VWA8: variants seen among roughly 807,000 people sequenced by gnomAD.
VWA8 encodes von Willebrand factor A domain containing 8.
In VWA8, 221 loss-of-function variants were observed where a neutral mutation model predicts 241.5. That is an observed-to-expected ratio of 0.91 (90% confidence interval 0.82 to 1.02). The LOEUF (loss-of-function observed/expected upper bound fraction) is 1.02, where lower values mean the gene tolerates loss of function less well. Among genes scored for constraint, VWA8 ranks in the 50% least tolerant of loss-of-function variants. The pLI is 0.00. For missense variants in VWA8, 2,322 were observed against 2,328.7 expected, an observed-to-expected ratio of 1.00 and a Z score of 0.06; for synonymous variants, 852 against 827.1, an observed-to-expected ratio of 1.03 and a Z score of -0.52.
At chr13:41,601,447 A>G (rs1262606304) in intron 40 of VWA8, among the ~76,000 whole-genome samples, 1 of 152,170 alleles carries the variant, frequency 6.6e-6, no homozygotes, top group African/African-American at 2.4e-5. Flanking sequence ...TTGTTTGTTC[A>G]TGGAGATACC....
At chr13:41,770,802 G>C (rs1167401672) in intron 20 of VWA8, among the ~76,000 whole-genome samples, 1 of 150,024 alleles carries the variant, frequency 6.7e-6, no homozygotes, top group African/African-American at 2.5e-5. Context: ...GTTTTAGTAA[G>C]GGCAAAAAAT....
At chr13:41,887,155 G>C (rs1874584188) in intron 6 of VWA8, 42 bp downstream of exon 6, 4 of 1,583,742 alleles carry the variant, frequency 2.5e-6, no homozygotes. Flanking sequence ...GTTATAAATA[G>C]AAAAACTGTT....
At chr13:41,959,276 T>A (rs1260325580) in intron 1 of VWA8, among the ~76,000 whole-genome samples, 2 of 152,116 alleles carry the variant, frequency 1.3e-5, no homozygotes, top group East Asian at 3.9e-4. Context: ...GACACAAAGT[T>A]AAGTAACCTA....
At chr13:41,704,669 G>A (rs1043770530) in intron 26 of VWA8, among the ~76,000 whole-genome samples, 1 of 151,868 alleles carries the variant, frequency 6.6e-6, no homozygotes, top group Admixed American at 6.6e-5. Flanking sequence ...GGGTCTTGCT[G>A]TGTTGCCCAG....
intron 37 of VWA8, among the ~76,000 whole-genome samples, chr13:41,620,163 T>C (rs2044647334): frequency 6.6e-6 from 1 of 152,220 alleles, no homozygotes; most frequent in African/African-American, 2.4e-5. Flanking sequence ...TATTGGTCTA[T>C]TCAGGGATTC....
intron 1 of VWA8, among the ~76,000 whole-genome samples, chr13:41,950,367 C>CTTTT (rs34383299): frequency 2.7e-5 from 4 of 147,054 alleles, no homozygotes; most frequent in Non-Finnish European, 4.5e-5. Flanking sequence ...AGAGTAAAAT[C>CTTTT]TTTTTTTTTT....
intron 14 of VWA8, among the ~76,000 whole-genome samples, 180 bp downstream of exon 14, chr13:41,830,349 T>C (rs1220302635): frequency 2.0e-5 from 3 of 151,374 alleles, no homozygotes; most frequent in Non-Finnish European, 4.4e-5. Context: ...GAGTACAGAT[T>C]ACACCTTGGA....
intron 2 of VWA8, among the ~76,000 whole-genome samples, chr13:41,917,041 A>G (rs1593867835): frequency 6.6e-6 from 1 of 152,170 alleles, no homozygotes. Context: ...TACTGGCCTA[A>G]ATCCCTGATT....
intron 21 of VWA8, among the ~76,000 whole-genome samples, chr13:41,756,849 A>G (rs2045697991): frequency 6.6e-6 from 1 of 151,730 alleles, no homozygotes; most frequent in South Asian, 2.1e-4. Context: ...AAAACTGTCA[A>G]GTAATAAAAT....
chr13:41,960,758 C>G, intron 1 of VWA8, 95 bp downstream of exon 1: 2 of 1,404,742 alleles, frequency 1.4e-6, no homozygotes, highest in South Asian at 3.0e-5. Context: ...TCCTTCCAAG[C>G]GCAGCGAAGC....
intron 37 of VWA8, among the ~76,000 whole-genome samples, chr13:41,665,327 A>G (rs1198995619): frequency 6.6e-6 from 1 of 152,082 alleles, no homozygotes; most frequent in Non-Finnish European, 1.5e-5. Flanking sequence ...TTTTTATATT[A>G]TGATTAGAAA....
chr13:41,668,460 C>A (rs1486094084), intron 37 of VWA8, among the ~76,000 whole-genome samples: 1 of 152,104 alleles, frequency 6.6e-6, no homozygotes, highest in African/African-American at 2.4e-5. Flanking sequence ...CTATGAAAGG[C>A]ATTTTCCAAG....
intron 29 of VWA8, among the ~76,000 whole-genome samples, chr13:41,697,284 T>C (rs2045221305): frequency 6.6e-6 from 1 of 152,246 alleles, no homozygotes; most frequent in African/African-American, 2.4e-5. Flanking sequence ...ATTTCTTAAC[T>C]AGTTTCCCTC....
chr13:41,870,442 C>G (rs746135289), intron 9 of VWA8, among the ~76,000 whole-genome samples: 4 of 151,898 alleles, frequency 2.6e-5, no homozygotes, highest in African/African-American at 9.7e-5. Flanking sequence ...AGTTCAAGAC[C>G]AGCCTGGCCA....
At chr13:41,871,566 T>C (rs1275327242) in intron 9 of VWA8, among the ~76,000 whole-genome samples, 1 of 152,126 alleles carries the variant, frequency 6.6e-6, no homozygotes, top group African/African-American at 2.4e-5. Context: ...TTTGGTTTTT[T>C]GTTCTTGCAA....
At chr13:41,958,419 T>G (rs1165528634) in intron 1 of VWA8, among the ~76,000 whole-genome samples, 1 of 152,158 alleles carries the variant, frequency 6.6e-6, no homozygotes, top group Admixed American at 6.5e-5. Flanking sequence ...TTTATGAACT[T>G]TGTTGTTCTT....
intron 2 of VWA8, among the ~76,000 whole-genome samples, chr13:41,930,372 T>C (rs1877048206): frequency 6.6e-6 from 1 of 152,180 alleles, no homozygotes; most frequent in African/African-American, 2.4e-5. Flanking sequence ...TCTGGATATA[T>C]ACCCAAAGGA....
At chr13:41,865,633 T>C in intron 12 of VWA8, 103 bp downstream of exon 12, 3 of 1,283,366 alleles carry the variant, frequency 2.3e-6, no homozygotes, top group South Asian at 2.8e-5. Flanking sequence ...TCTTTACCTA[T>C]ATAAAAAAAC....
At chr13:41,802,411 G>T (rs1869999898) in intron 17 of VWA8, among the ~76,000 whole-genome samples, 1 of 152,200 alleles carries the variant, frequency 6.6e-6, no homozygotes, top group Admixed American at 6.5e-5. Context: ...AAACTTGAAA[G>T]GCTGTCTAGG....
Sources: allele counts gnomAD v4.1 joint callset (sites outside exome capture counted in the v4.1 genomes callset), GRCh38; gene constraint gnomAD v4.1.1; transcripts MANE v1.5; gene names NCBI Gene and HGNC (gene_info 2026-07-23, HGNC 2026-07-21).